The following DNAH3 variants were observed in gnomAD, a reference collection of about 807,000 sequenced individuals.
The protein encoded by DNAH3 is dynein axonemal heavy chain 3, also known as axonemal beta dynein heavy chain 3.
Under a neutral mutation model 432.5 loss-of-function variants are expected in DNAH3, and 332 were observed. The ratio of observed to expected loss-of-function variants is 0.77; its 90% confidence interval spans 0.70 to 0.84. The LOEUF (loss-of-function observed/expected upper bound fraction) is 0.84. Among genes scored for constraint, DNAH3 ranks in the 40% least tolerant of loss-of-function variants. DNAH3 has a pLI of 0.00. For synonymous variants in DNAH3, 1,956 were observed against 1,900.2 expected, an observed-to-expected ratio of 1.03 and a Z score of -0.76; for missense variants, 4,861 against 5,114.0, an observed-to-expected ratio of 0.95 and a Z score of 1.51.
chr16:21,038,813 G>C (rs1026723338), intron 33 of DNAH3, among the ~76,000 whole-genome samples: 7 of 152,156 alleles, frequency 4.6e-5, no homozygotes, highest in South Asian at 4.1e-4. Context: ...GGTTACTATA[G>C]AAAACAAATG....
chr16:20,963,140 G>T, intron 53 of DNAH3, 144 bp downstream of exon 53: 2 of 761,574 alleles, frequency 2.6e-6, no homozygotes, highest in Non-Finnish European at 4.2e-6. Context: ...AAAAGGACGA[G>T]TTCCGTGGCT....
intron 53 of DNAH3, 140 bp downstream of exon 53, chr16:20,963,144 C>T (rs1042440519): frequency 2.6e-6 from 2 of 776,070 alleles, no homozygotes; most frequent in Non-Finnish European, 2.0e-6. Flanking sequence ...GGACGAGTTC[C>T]GTGGCTCCAC....
intron 7 of DNAH3, among the ~76,000 whole-genome samples, chr16:21,131,403 CAG>C (rs1567845748): frequency 7.3e-6 from 1 of 136,182 alleles, no homozygotes; most frequent in African/African-American, 2.8e-5. Flanking sequence ...GAAGGACAAA[CAG>C]GGTCAAAGAG....
intron 57 of DNAH3, among the ~76,000 whole-genome samples, chr16:20,946,630 T>C (rs573474184): frequency 1.3e-5 from 2 of 152,228 alleles, no homozygotes; most frequent in South Asian, 4.1e-4. Context: ...ATATATCTAC[T>C]GGTTTTCATC....
chr16:21,002,483 CAG>C, intron 42 of DNAH3, among the ~76,000 whole-genome samples: 1 of 131,526 alleles, frequency 7.6e-6, no homozygotes, highest in East Asian at 2.0e-4. Context: ...TATTTTGAGA[CAG>C]AGTTTTGCTC....
At chr16:21,009,857 C>G (rs1016661149) in intron 41 of DNAH3, among the ~76,000 whole-genome samples, 1 of 136,680 alleles carries the variant, frequency 7.3e-6, no homozygotes, top group Non-Finnish European at 1.5e-5. Flanking sequence ...TGCACTCCAG[C>G]CTGGACAAGA....
At chr16:20,969,675 C>T (rs2152634772) in intron 52 of DNAH3, 117 bp downstream of exon 52, 1 of 1,202,818 alleles carries the variant, frequency 8.3e-7, no homozygotes, top group South Asian at 1.3e-5. Context: ...CTTAATTCCT[C>T]CAAACTCAGT....
intron 26 of DNAH3, among the ~76,000 whole-genome samples, chr16:21,059,641 G>A (rs1354438987): frequency 6.6e-6 from 1 of 152,034 alleles, no homozygotes; most frequent in Non-Finnish European, 1.5e-5. Flanking sequence ...CAGGTGTGGT[G>A]GTGGTTGCCT....
At chr16:21,083,257 T>C (rs1229079420) in intron 19 of DNAH3, among the ~76,000 whole-genome samples, 3 of 152,102 alleles carry the variant, frequency 2.0e-5, no homozygotes, top group Admixed American at 1.3e-4. Flanking sequence ...CTCAGGTGAT[T>C]TGTCTGCCTC....
chr16:21,121,834 A>G, intron 10 of DNAH3, 111 bp downstream of exon 11: 2 of 816,678 alleles, frequency 2.4e-6, no homozygotes, highest in Non-Finnish European at 3.8e-6. Flanking sequence ...CTCCAAAGTG[A>G]AGCTCCCTTA....
chr16:21,096,456 T>G (rs979386233), intron 18 of DNAH3, among the ~76,000 whole-genome samples: 4 of 152,112 alleles, frequency 2.6e-5, no homozygotes, highest in East Asian at 1.9e-4. Flanking sequence ...TTGTCCTCTG[T>G]TCTTCAACAC....
intron 23 of DNAH3, among the ~76,000 whole-genome samples, chr16:21,067,800 A>AGAGAGAGAGAGAGAGAGAGAGAGT (rs1567732859): frequency 7.5e-6 from 1 of 133,968 alleles, no homozygotes; most frequent in African/African-American, 2.8e-5. Flanking sequence ...AGAGAGAGAG[A>AGAGAGAGAGAGAGAGAGAGAGAGT]GACTGACTAA....
Position 20,982,278 on chromosome 16 carries a change from G to C in DNAH3, c.7859+443C>G, listed in dbSNP as rs187756117. Among the ~76,000 whole-genome samples, 6 of 151,888 alleles carry C rather than the reference G, an allele frequency of 4.0e-5. No individual in the cohort carries two copies. In the East Asian group the frequency reaches 7.8e-4, roughly 20 times the overall value. Reference sequence around the variant, plus strand: ...AGGTGCCTGTAATCCCAGCTGCTTGGGGGAGGCTGAGGCATGAGAATCACT... The same window carrying C: ...AGGTGCCTGTAATCCCAGCTGCTTGCGGGAGGCTGAGGCATGAGAATCACT... On this transcript the variant is annotated intron_variant, in intron 49 of 61. Coordinates refer to ENST00000261383, the Ensembl canonical transcript of DNAH3.
exon 34 of DNAH3, chr16:21,037,823 G>C: frequency 3.1e-6 from 5 of 1,614,206 alleles, no homozygotes; most frequent in Non-Finnish European, 4.2e-6. Context: ...AATGCCCGGA[G>C]CAGCAGGACA....
exon 62 of DNAH3, chr16:20,933,261 T>C (rs1424929707): frequency 1.2e-6 from 2 of 1,614,240 alleles, no homozygotes; most frequent in Non-Finnish European, 1.7e-6. Context: ...GAGTGGCCTG[T>C]GGTGGAGAGG....
At chr16:21,056,400 C>CTCCCTTCCTT (rs2090136449) in intron 27 of DNAH3, among the ~76,000 whole-genome samples, 1 of 138,596 alleles carries the variant, frequency 7.2e-6, no homozygotes, top group Non-Finnish European at 1.5e-5. Flanking sequence ...CTCCCTCTCT[C>CTCCCTTCCTT]CCTTCCTTCC....
In DNAH3 at chr16:21,023,449, G is replaced by C. The variant is rs374191346; in HGVS notation, c.5646+1147C>G. ...AGAATAACAGGAAGGGTTTAAATAGGGTAAAGAAGCCTTCCTGGAGGAGGA... is the reference window on the plus strand; with the variant it reads ...AGAATAACAGGAAGGGTTTAAATAGCGTAAAGAAGCCTTCCTGGAGGAGGA... On this transcript the variant is annotated intron_variant, in intron 39 of 61. Transcript: ENST00000261383. Among the ~76,000 whole-genome samples, 17 of 152,256 alleles carry C rather than the reference G, an allele frequency of 1.1e-4. No individual in the cohort carries two copies. The East Asian group carries it at 2.1e-3, about 19-fold the overall frequency.
intron 55 of DNAH3, among the ~76,000 whole-genome samples, chr16:20,954,384 G>A (rs1398629306): frequency 2.7e-5 from 4 of 148,576 alleles, no homozygotes; most frequent in Admixed American, 6.8e-5. Flanking sequence ...TCCACCTCCC[G>A]GTTGAAGCCA....
At chr16:20,971,687 G>A (rs1219429387) in intron 51 of DNAH3, among the ~76,000 whole-genome samples, 1 of 152,152 alleles carries the variant, frequency 6.6e-6, no homozygotes, top group Non-Finnish European at 1.5e-5. Context: ...CAAACCTTGT[G>A]CGATCACTCA....
Sources: gnomAD v4.1 joint callset for allele counts (sites outside exome capture counted in the v4.1 genomes callset) on GRCh38, gnomAD v4.1.1 for gene constraint, MANE v1.5 for transcripts, NCBI Gene and HGNC (gene_info 2026-07-23, HGNC 2026-07-21) for gene names.